MAP2K6: variants seen among roughly 807,000 people sequenced by gnomAD.
The protein encoded by MAP2K6 is dual specificity mitogen-activated protein kinase kinase 6.
In MAP2K6, 16 loss-of-function variants were observed where a neutral mutation model predicts 53.7. The ratio of observed to expected loss-of-function variants is 0.30; its 90% CI spans 0.20 to 0.45. The LOEUF is 0.45. Among genes scored for constraint, MAP2K6 ranks in the 20% least tolerant of loss-of-function variants. The probability of loss-of-function intolerance (pLI) is 1.00; values close to 1 mark genes in which losing one functional copy is unlikely to be tolerated. For synonymous variants in MAP2K6, 132 were observed against 143.1 expected (o/e 0.92, Z 0.55); for missense variants, 204 against 411.9 (o/e 0.50, Z 4.37).
chr17:69,456,663 G>A (rs998356700), intron 1 of MAP2K6, among the ~76,000 whole-genome samples: 2 of 152,034 alleles, frequency 1.3e-5, no homozygotes, highest in Non-Finnish European at 2.9e-5. Context: ...TTTCCCCACT[G>A]GTCTGTCACC....
intron 1 of MAP2K6, among the ~76,000 whole-genome samples, chr17:69,452,414 A>G (rs2145160613): frequency 6.6e-6 from 1 of 152,258 alleles, no homozygotes; most frequent in Non-Finnish European, 1.5e-5. Context: ...TCCACAATTC[A>G]TTACCAGATA....
chr17:69,531,329 C>T (rs1013915132), intron 10 of MAP2K6, among the ~76,000 whole-genome samples: 3 of 152,132 alleles, frequency 2.0e-5, no homozygotes, highest in Non-Finnish European at 4.4e-5. Context: ...CCTAAGCATT[C>T]GATGTCACAA....
At position 69,550,906 on chromosome 17, in the gene MAP2K6, C is replaced by T. The variant is rs1912070846; in HGVS notation, c.*9153C>T. 6.6e-6 allele frequency: 1 copy of T among 152,174 alleles called. No homozygotes were observed. The highest frequency in any genetic ancestry group is 1.5e-5 in the Non-Finnish European group (1 of 68,036). 9.4% of individuals were successfully genotyped at this position (152,174 alleles called of 1,614,324 possible). On this transcript the variant is annotated 3_prime_UTR_variant, in exon 12 of 12. Transcript: ENST00000590474. ...TTTATAGCCAACCACGGCTGTGAGT[C>T]CCTGGCTTTTGCCGTACTGAGTATG...
intron 10 of MAP2K6, among the ~76,000 whole-genome samples, chr17:69,533,270 AAAGAT>A (rs1397935907): frequency 3.3e-5 from 5 of 152,188 alleles, no homozygotes; most frequent in African/African-American, 7.2e-5. Context: ...CCAGAAGTGA[AAAGAT>A]AAGATATCCT....
chr17:69,530,632 A>T (rs1029230652), intron 10 of MAP2K6, among the ~76,000 whole-genome samples: 1 of 152,140 alleles, frequency 6.6e-6, no homozygotes, highest in African/African-American at 2.4e-5. Flanking sequence ...CAGGTCAATA[A>T]CTTTTTTTCC....
intron 2 of MAP2K6, among the ~76,000 whole-genome samples, chr17:69,508,287 G>A (rs1255783925): frequency 6.6e-6 from 1 of 151,186 alleles, no homozygotes; most frequent in East Asian, 1.9e-4. Context: ...TGCTGGTCTC[G>A]AACTCCTGAT....
intron 11 of MAP2K6, among the ~76,000 whole-genome samples, chr17:69,540,779 A>G (rs1330138965): frequency 2.0e-5 from 3 of 152,188 alleles, no homozygotes. Flanking sequence ...TTGGCAGTCT[A>G]CATTATTTTT....
At chr17:69,497,182 C>A (rs948221110) in intron 1 of MAP2K6, among the ~76,000 whole-genome samples, 2 of 152,136 alleles carry the variant, frequency 1.3e-5, no homozygotes, top group African/African-American at 4.8e-5. Flanking sequence ...AAGACATGGG[C>A]CCTGACTTCA....
chr17:69,429,366 C>T (rs1469608659), intron 1 of MAP2K6, among the ~76,000 whole-genome samples: 1 of 151,660 alleles, frequency 6.6e-6, no homozygotes, highest in African/African-American at 2.4e-5. Context: ...GGGAGGATCA[C>T]TTGGGCCCAG....
At chr17:69,430,816 A>G (rs1906438323) in intron 1 of MAP2K6, among the ~76,000 whole-genome samples, 3 of 152,206 alleles carry the variant, frequency 2.0e-5, no homozygotes, top group Admixed American at 1.3e-4. Context: ...GTGAACAAGC[A>G]ACCCTGAGCT....
intron 2 of MAP2K6, among the ~76,000 whole-genome samples, chr17:69,512,045 T>G (rs1281250970): frequency 6.6e-6 from 1 of 151,862 alleles, no homozygotes; most frequent in Non-Finnish European, 1.5e-5. Context: ...GATGTCATAA[T>G]CCATATGAGT....
At position 69,550,849 on chromosome 17, in the gene MAP2K6, T is replaced by C. The variant is rs949533391; in HGVS notation, c.*9096T>C. 1 of 152,230 alleles carries C rather than the reference T, an allele frequency of 6.6e-6. No homozygotes were observed. Among genetic ancestry groups the C allele is most frequent in the Non-Finnish European group, 1.5e-5 (1 of 68,044 alleles). 9.4% of individuals were successfully genotyped at this position (152,230 alleles called of 1,614,324 possible). On this transcript the variant is annotated 3_prime_UTR_variant, in exon 12 of 12. Transcript: ENST00000590474. ...GGAACGTTGGATTAAATGACCACTT[T>C]AGGACTTTAAACAGTCTCAAATATG...
intron 1 of MAP2K6, among the ~76,000 whole-genome samples, chr17:69,484,894 G>C (rs1355443650): frequency 6.6e-6 from 1 of 152,082 alleles, no homozygotes; most frequent in Non-Finnish European, 1.5e-5. Context: ...ACAGAAAGTA[G>C]GCTAGTAGTT....
intron 10 of MAP2K6, among the ~76,000 whole-genome samples, chr17:69,535,897 C>CAA (rs1257239239): frequency 1.3e-5 from 2 of 151,964 alleles, no homozygotes; most frequent in Non-Finnish European, 2.9e-5. Context: ...CACACACACA[C>CAA]ACACACACAC....
At chr17:69,525,381 T>C (rs185889548) in intron 9 of MAP2K6, among the ~76,000 whole-genome samples, 3 of 152,328 alleles carry the variant, frequency 2.0e-5, no homozygotes, top group African/African-American at 7.2e-5. Context: ...AGGGCCGTGT[T>C]ATCCAGGACA....
At chr17:69,448,418 A>C (rs1489811228) in intron 1 of MAP2K6, among the ~76,000 whole-genome samples, 1 of 152,004 alleles carries the variant, frequency 6.6e-6, no homozygotes, top group Non-Finnish European at 1.5e-5. Context: ...CAGTGCATGG[A>C]GAGTCCGTTA....
Position 69,523,650 on chromosome 17 carries a change from A to C in MAP2K6, c.663+9A>C. The C allele has an allele frequency of 6.2e-7, 1 of 1,613,538 alleles. No homozygotes were observed. The highest frequency in any genetic ancestry group is 8.5e-7 in the Non-Finnish European group (1 of 1,179,490). ...GCAAACCATACATGGCCGTAAGTAC[A>C]TTAGCTAGGGTGGCATCTGGTAATG... On this transcript the variant is annotated intron_variant, in intron 8 of 11. Coordinates refer to ENST00000590474, the MANE Select transcript of MAP2K6 (RefSeq NM_002758.4).
chr17:69,528,887 A>AAAAAAG (rs530149092), intron 10 of MAP2K6, among the ~76,000 whole-genome samples: 2 of 132,796 alleles, frequency 1.5e-5, no homozygotes, highest in African/African-American at 2.8e-5. Context: ...AAAAAAAAAA[A>AAAAAAG]AGATGAGGCA....
intron 1 of MAP2K6, among the ~76,000 whole-genome samples, chr17:69,427,330 A>T (rs370559027): frequency 2.0e-4 from 31 of 152,198 alleles, no homozygotes; most frequent in African/African-American, 7.2e-4. Context: ...CTCAAGCATG[A>T]TACTGGATAT....
Sources: allele counts gnomAD v4.1 joint callset (sites outside exome capture counted in the v4.1 genomes callset), GRCh38; gene constraint gnomAD v4.1.1; transcripts MANE v1.5; gene names NCBI Gene and HGNC (gene_info 2026-07-23, HGNC 2026-07-21).